IFT74: variants seen among roughly 807,000 people sequenced by gnomAD.
IFT74 encodes intraflagellar transport protein 74 homolog.
A neutral mutation model predicts 96.7 loss-of-function variants in IFT74; 92 were observed. The ratio of observed to expected loss-of-function variants is 0.95; its 90% CI spans 0.80 to 1.13. The LOEUF is 1.13. Among genes scored for constraint, IFT74 ranks in the 50% most tolerant of loss-of-function variants. IFT74 has a pLI of 0.00. For synonymous variants in IFT74, 223 were observed against 213.2 expected, an observed-to-expected ratio of 1.05 and a Z score of -0.40; for missense variants, 811 against 698.2, an observed-to-expected ratio of 1.16 and a Z score of -1.82.
rs372035922 is a variant in IFT74 at position 26,990,152 on chromosome 9, C to T, written c.544C>T (p.Arg182Ter). 11 of 1,493,636 alleles carry T rather than the reference C, an allele frequency of 7.4e-6. No individual in the cohort carries two copies. The highest frequency in any genetic ancestry group is 2.5e-5 in the East Asian group (1 of 39,812). 92.5% of individuals were successfully genotyped at this position (1,493,636 alleles called of 1,614,324 possible). A position where few individuals can be genotyped will look rare whatever the true frequency, so the allele number is the denominator to read the frequency against. Reference sequence around the variant, plus strand: ...TATTCAGCTTAAAGCTCAAAATGATCGAGAAACACAAAGTTTGGATGTCAT... The same window carrying T: ...TATTCAGCTTAAAGCTCAAAATGATTGAGAAACACAAAGTTTGGATGTCAT... ...DYNMLKAQND[R>*]ETQSLDVIFT... The change falls in exon 8 of 20, where the codon CGA (arginine) becomes TGA (stop). Residue 182 changes from arginine to a stop codon, truncating the protein, a stop_gained. Transcript: ENST00000380062. LOFTEE classifies it high-confidence loss of function.
Position 26,984,240 on chromosome 9 carries a change from T to C in IFT74, c.306-17T>C. ...GGATTAAAAGTATTGCTGACATTCTTATTTCTTTTCTAATAGAAGTAAAAT... is the reference window on the plus strand; with the variant it reads ...GGATTAAAAGTATTGCTGACATTCTCATTTCTTTTCTAATAGAAGTAAAAT... On this transcript the variant is annotated splice_polypyrimidine_tract_variant and intron_variant, in intron 4 of 19. Coordinates refer to ENST00000380062, the MANE Select transcript of IFT74 (RefSeq NM_025103.4). 6.5e-7 allele frequency: 1 copy of C among 1,542,314 alleles called. No homozygotes were observed. The highest frequency in any genetic ancestry group is 8.8e-7 in the Non-Finnish European group (1 of 1,141,448).
chr9:26,965,800 T>A (rs146808188), intron 2 of IFT74, among the ~76,000 whole-genome samples: 23 of 152,196 alleles, frequency 1.5e-4, no homozygotes, highest in South Asian at 1.4e-3. Flanking sequence ...TCATCTTTTG[T>A]AATCTTTAGT....
intron 8 of IFT74, chr9:26,995,513 G>T: frequency 1.3e-6 from 2 of 1,497,240 alleles, no homozygotes; most frequent in South Asian, 1.3e-5. Context: ...AGCAAACTTT[G>T]AAAGAAATTA....
chr9:27,027,064 G>C (rs1829899009), intron 12 of IFT74, among the ~76,000 whole-genome samples: 1 of 151,974 alleles, frequency 6.6e-6, no homozygotes, highest in African/African-American at 2.4e-5. Flanking sequence ...AAAATTGATA[G>C]ACCAATAGCA....
chr9:26,969,994 G>A (rs527744516), intron 2 of IFT74, among the ~76,000 whole-genome samples: 66 of 151,686 alleles, frequency 4.4e-4, no homozygotes, highest in Non-Finnish European at 6.8e-4. Flanking sequence ...TTAGCACTTC[G>A]AAAATGACTT....
chr9:27,008,680 TATAACTTTA>T (rs1305253192), intron 8 of IFT74, among the ~76,000 whole-genome samples: 1 of 152,142 alleles, frequency 6.6e-6, no homozygotes, highest in Admixed American at 6.6e-5. Flanking sequence ...CTTTTGAAGG[TATAACTTTA>T]AAAAAGTATA....
chr9:26,954,346 C>G (rs1377648544), upstream of IFT74, among the ~76,000 whole-genome samples: 1 of 152,196 alleles, frequency 6.6e-6, no homozygotes, highest in African/African-American at 2.4e-5. Flanking sequence ...CCAAATAAGG[C>G]AACTGCTCAA....
At chr9:26,990,697 C>T (rs775954750) in intron 8 of IFT74, among the ~76,000 whole-genome samples, 5 of 152,104 alleles carry the variant, frequency 3.3e-5, no homozygotes, top group South Asian at 2.1e-4. Flanking sequence ...CTGGAAATAA[C>T]GTAATTGTGG....
Position 26,959,405 on chromosome 9 carries a change from G to A in IFT74, c.-19-2544G>A, listed in dbSNP as rs573661410. 2.1e-3 allele frequency among the ~76,000 whole-genome samples: 314 copies of A among 152,248 alleles called. 1 individual carries two copies. The highest frequency in any genetic ancestry group is 7.3e-3 in the African/African-American group (302 of 41,538). The stretch of plus-strand genomic sequence containing the variant: ...ATTGCAGGCATGAGCCACCGCGCCC[G>A]GCTGGATATAAGCTATTCTTAGGAA... On this transcript the variant is annotated intron_variant, in intron 1 of 19. Coordinates refer to ENST00000380062, the MANE Select transcript of IFT74 (RefSeq NM_025103.4).
chr9:27,010,222 C>G (rs567823865), intron 9 of IFT74, among the ~76,000 whole-genome samples: 130 of 152,090 alleles, frequency 8.5e-4, no homozygotes, highest in African/African-American at 2.3e-3. Flanking sequence ...ATCGCCTGAC[C>G]TCGTGATCCG....
At chr9:26,986,973 T>C (rs1827667831) in intron 6 of IFT74, among the ~76,000 whole-genome samples, 2 of 152,214 alleles carry the variant, frequency 1.3e-5, no homozygotes, top group African/African-American at 4.8e-5. Flanking sequence ...ACAAACATTT[T>C]GTAGAGCCCA....
Position 26,984,282 on chromosome 9 carries a change from G to T in IFT74, c.331G>T (p.Glu111Ter). The T allele has an allele frequency of 6.4e-7, 1 of 1,567,858 alleles. No homozygotes were observed. Among genetic ancestry groups the T allele is most frequent in the South Asian group, 1.2e-5 (1 of 84,294 alleles). Reference protein sequence around the residue: ...LRSKISELTTEVNKLQKGIEM... With the variant: ...LRSKISELTT Reference sequence around the variant, plus strand: ...AAGTAAAATAAGTGAACTTACAACTGAAGTTAATAAACTTCAGAAGGGAAT... The same window carrying T: ...AAGTAAAATAAGTGAACTTACAACTTAAGTTAATAAACTTCAGAAGGGAAT... Residue 111 changes from glutamate to a stop codon, truncating the protein, a stop_gained, in exon 5 of 20, where the codon GAA becomes TAA. Transcript: ENST00000380062. LOFTEE classifies it high-confidence loss of function.
intron 15 of IFT74, 53 bp from the exon 16 acceptor site, chr9:27,048,095 G>A: frequency 7.5e-7 from 1 of 1,334,004 alleles, no homozygotes. Context: ...GTTTTATTGA[G>A]AACTAACTAA....
At chr9:26,996,609 T>C in intron 8 of IFT74, 2 of 665,966 alleles carry the variant, frequency 3.0e-6, no homozygotes, top group Non-Finnish European at 4.4e-6. Flanking sequence ...TTAAAGGCAT[T>C]ATAAGAAATT....
chr9:27,029,211 T>A, intron 13 of IFT74, 107 bp downstream of exon 13: 1 of 729,182 alleles, frequency 1.4e-6, no homozygotes, highest in Non-Finnish European at 2.1e-6. Flanking sequence ...ATTTATTATT[T>A]AATTCTCTAT....
chr9:27,014,541 C>T (rs949415096), intron 10 of IFT74, among the ~76,000 whole-genome samples: 32 of 152,140 alleles, frequency 2.1e-4, no homozygotes, highest in African/African-American at 7.0e-4. Context: ...TTTAAAAATA[C>T]ACAATATGTG....
chr9:26,963,800 G>T (rs942736781), intron 2 of IFT74, among the ~76,000 whole-genome samples: 1 of 152,108 alleles, frequency 6.6e-6, no homozygotes, highest in Non-Finnish European at 1.5e-5. Flanking sequence ...ACTTTTTGAT[G>T]GGGTTGTTTG....
chr9:26,984,446 TTATG>T (rs1827543423), intron 5 of IFT74, 49 bp from the exon 6 acceptor site: 2 of 1,582,282 alleles, frequency 1.3e-6, no homozygotes, highest in Non-Finnish European at 1.7e-6. Flanking sequence ...GTTCATTTTC[TTATG>T]TATATTTTTA....
intron 15 of IFT74, among the ~76,000 whole-genome samples, chr9:27,047,880 CA>C (rs1819761403): frequency 6.6e-6 from 1 of 151,798 alleles, no homozygotes; most frequent in Non-Finnish European, 1.5e-5. Flanking sequence ...AGACTCCAAC[CA>C]GTTTCTAAAA....
Sources: allele counts gnomAD v4.1 joint callset (sites outside exome capture counted in the v4.1 genomes callset), GRCh38; gene constraint gnomAD v4.1.1; transcripts MANE v1.5; gene names NCBI Gene and HGNC (gene_info 2026-07-23, HGNC 2026-07-21).